Variants in ZSCAN9 observed in about 807,000 individuals in gnomAD.
ZSCAN9 encodes zinc finger and SCAN domain containing 9, also known as zinc finger and SCAN domain-containing protein 9.
ZSCAN9 carries 19 observed loss-of-function variants against 23.0 expected under a neutral mutation model. The ratio of observed to expected loss-of-function variants is 0.83; its 90% CI spans 0.58 to 1.21. ZSCAN9 has a LOEUF of 1.21. Ranked by LOEUF, ZSCAN9 falls within the 50% of genes most tolerant of loss-of-function variation. The pLI, the probability that ZSCAN9 is intolerant of heterozygous loss-of-function variation, is 0.00. For missense variants in ZSCAN9, 467 were observed against 471.5 expected (o/e 0.99, Z 0.09); for synonymous variants, 155 against 164.8 (o/e 0.94, Z 0.46).
At position 28,232,974 on chromosome 6, in the gene ZSCAN9, G is replaced by T. The variant is rs1293605606; in HGVS notation, c.981G>T (p.Gln327His). The change falls in exon 4 of 4, where the codon CAG becomes CAT. Residue 327 changes from glutamine to histidine, a missense_variant. By Grantham distance (24) the Gln-to-His change is conservative. Transcript: ENST00000252207. ...TCAGTCAGAGTGCGGGTCTTATCCA[G>T]CATCAGAGAATCCACAAAGGAGAAA... The part of the protein sequence containing the change: ...KVFSQSAGLI[Q>H]HQRIHKGEKP... The T allele has an allele frequency of 1.9e-6, 3 of 1,614,180 alleles. No individual in the cohort carries two copies. Among genetic ancestry groups the T allele is most frequent in the South Asian group, 1.1e-5 (1 of 91,084 alleles).
Position 28,233,140 on chromosome 6 carries a change from C to T in ZSCAN9, c.1147C>T (p.Arg383Cys), listed in dbSNP as rs775167071. ...CTTTAATCGACACTGCAACCTCATT[C>T]GCCATCAGAAGATCCACACAGTGGC... Reference protein sequence around the residue: ...KSFNRHCNLIRHQKIHTVAEL... With the variant: ...KSFNRHCNLICHQKIHTVAEL... The change falls in exon 4 of 4, where the codon CGC becomes TGC. Residue 383 changes from arginine to cysteine, a missense_variant. Transcript: ENST00000252207. The T allele has an allele frequency of 8.7e-6, 14 of 1,613,900 alleles. No individual in the cohort carries two copies. Among genetic ancestry groups the T allele is most frequent in the East Asian group, 6.7e-5 (3 of 44,882 alleles).
Position 28,227,682 on chromosome 6 carries a change from G to A in ZSCAN9, c.421-8G>A, listed in dbSNP as rs1224696885. 6.3e-7 allele frequency: 1 copy of A among 1,583,774 alleles called. No homozygotes were observed. Among genetic ancestry groups the A allele is most frequent in the East Asian group, 2.2e-5 (1 of 44,804 alleles). ...TTCAAAAGTCAAATCTTGTCTTTTT[G>A]TCCCCAGATGGTGGCCCACAGACAC... On this transcript the variant is annotated splice_region_variant and splice_polypyrimidine_tract_variant and intron_variant, in intron 2 of 3. Transcript: ENST00000252207.
In ZSCAN9 at chr6:28,227,246, C is replaced by T. The variant is rs1053554127; in HGVS notation, c.162C>T (p.His54=). The stretch of plus-strand genomic sequence containing the variant: ...TGGCAAGGGAAATCTTCCGAAGGCA[C>T]TTTCGACAGCTGTGCTACCAAGAGA... ...NPLAREIFRR[H]FRQLCYQETP... The change falls in exon 2 of 4, where the codon CAC becomes CAT. Residue 54 remains histidine, a synonymous_variant. Transcript: ENST00000252207. 6.2e-7 allele frequency: 1 copy of T among 1,614,122 alleles called. No individual in the cohort carries two copies. Among genetic ancestry groups the T allele is most frequent in the African/African-American group, 1.3e-5 (1 of 74,944 alleles).
intron 3 of ZSCAN9, chr6:28,228,487 T>G: frequency 6.0e-6 from 1 of 165,682 alleles, no homozygotes; most frequent in Admixed American, 6.5e-5. Flanking sequence ...ATACCATTCC[T>G]ACCCGATAGG....
intron 3 of ZSCAN9, among the ~76,000 whole-genome samples, chr6:28,229,721 A>G (rs957308060): frequency 6.6e-6 from 1 of 152,212 alleles, no homozygotes; most frequent in African/African-American, 2.4e-5. Flanking sequence ...AAATAATACA[A>G]AAGTTTATAT....
chr6:28,233,077 G>A lies in ZSCAN9; in HGVS notation c.1084G>A (p.Gly362Arg). The A allele has an allele frequency of 6.2e-7, 1 of 1,614,014 alleles. No homozygotes were observed. Among genetic ancestry groups the A allele is most frequent in the Non-Finnish European group, 8.5e-7 (1 of 1,179,882 alleles). ...CATTGAACATCAGAGAAGCCACACA[G>A]GGGAGCGACCTCACCAGTGCATTGA... ...FLIEHQRSHT[G>R]ERPHQCIECG... Residue 362 changes from glycine to arginine, a missense_variant, in exon 4 of 4, where the codon GGG (glycine) becomes AGG (arginine). Gly to Arg is a moderately radical substitution (Grantham distance 125). Transcript: ENST00000252207.
In ZSCAN9 at chr6:28,227,406, C is replaced by T. The variant is rs1561845550; in HGVS notation, c.322C>T (p.Leu108Phe). The change falls in exon 2 of 4, where the codon CTC (leucine) becomes TTC (phenylalanine). Residue 108 changes from leucine (L) to phenylalanine (F), a missense_variant. By Grantham distance (22) the Leu-to-Phe change is conservative (BLOSUM62 0). Coordinates refer to ENST00000252207, the MANE Select transcript of ZSCAN9 (RefSeq NM_006299.5). ...GTTTCTATCCATTCTGCCCAAGGAG[C>T]TCCAGGGCTGGGTGAGGGAACACTG... The part of the protein sequence containing the change: ...EQFLSILPKE[L>F]QGWVREHCPE... 6.2e-7 allele frequency: 1 copy of T among 1,614,170 alleles called. No individual in the cohort carries two copies. Among genetic ancestry groups the T allele is most frequent in the Non-Finnish European group, 8.5e-7 (1 of 1,180,028 alleles).
chr6:28,233,223 T>C lies in ZSCAN9; in HGVS notation c.*45T>C. 6.4e-7 allele frequency: 1 copy of C among 1,571,156 alleles called. No individual in the cohort carries two copies. Among genetic ancestry groups the C allele is most frequent in the Non-Finnish European group, 8.6e-7 (1 of 1,159,136 alleles). On this transcript the variant is annotated 3_prime_UTR_variant, in exon 4 of 4. Coordinates refer to ENST00000252207, the MANE Select transcript of ZSCAN9 (RefSeq NM_006299.5). Reference sequence around the variant, plus strand: ...TTTCCAGATCACCACCCAAGTTGTGTGGGGCAGGTTGAGACTAGAAAATGC... The same window carrying C: ...TTTCCAGATCACCACCCAAGTTGTGCGGGGCAGGTTGAGACTAGAAAATGC...
Position 28,227,099 on chromosome 6 carries a change from A to C in ZSCAN9, c.15A>C (p.Ser5=). Residue 5 remains serine (S), a synonymous_variant, in exon 2 of 4, where the codon TCA becomes TCC. Transcript: ENST00000252207. ...TCAAGGTCAAGATGAATACAAACTC[A>C]AAGGAGGTTTTATCCCTGGGTGTTC... The part of the protein sequence containing the change: MNTN[S]KEVLSLGVQV... 6.2e-7 allele frequency: 1 copy of C among 1,613,828 alleles called. No individual in the cohort carries two copies. Among genetic ancestry groups the C allele is most frequent in the East Asian group, 2.2e-5 (1 of 44,882 alleles).
intron 3 of ZSCAN9, chr6:28,228,473 A>G (rs1257938990): frequency 1.1e-5 from 2 of 175,822 alleles, no homozygotes; most frequent in Admixed American, 6.4e-5. Context: ...TCTTATAAGG[A>G]CAGATACCAT....
At chr6:28,231,578 C>CA (rs1760302043) in intron 3 of ZSCAN9, among the ~76,000 whole-genome samples, 1 of 152,144 alleles carries the variant, frequency 6.6e-6, no homozygotes, top group Admixed American at 6.5e-5. Flanking sequence ...AATCTCATCT[C>CA]TACTAAAAAT....
chr6:28,230,210 G>C (rs1760259198), intron 3 of ZSCAN9: 1 of 826,712 alleles, frequency 1.2e-6, no homozygotes, highest in East Asian at 2.8e-5. Context: ...GAGTTTTGTG[G>C]TGAGTCAGTT....
At chr6:28,230,058 T>C (rs930512880) in intron 3 of ZSCAN9, among the ~76,000 whole-genome samples, 26 of 152,086 alleles carry the variant, frequency 1.7e-4, no homozygotes, top group Admixed American at 3.9e-4. Context: ...AGGGTTTCAC[T>C]GTGTTAGCCA....
intron 3 of ZSCAN9, among the ~76,000 whole-genome samples, chr6:28,229,834 A>G (rs550610917): frequency 6.6e-6 from 1 of 151,538 alleles, no homozygotes; most frequent in South Asian, 2.1e-4. Context: ...CTGCCTACCC[A>G]TATATATGTA....
At chr6:28,228,358 G>T in intron 3 of ZSCAN9, 1 of 349,966 alleles carries the variant, frequency 2.9e-6, no homozygotes, top group East Asian at 7.1e-5. Flanking sequence ...CATCAGGTTT[G>T]GTTTCTGGTG....
In ZSCAN9 at chr6:28,227,418, G is replaced by T. The variant is rs942808166; in HGVS notation, c.334G>T (p.Val112Leu). Residue 112 changes from valine to leucine, a missense_variant, in exon 2 of 4, where the codon GTG (valine) becomes TTG (leucine). Coordinates refer to ENST00000252207, the MANE Select transcript of ZSCAN9 (RefSeq NM_006299.5). The stretch of plus-strand genomic sequence containing the variant: ...TCTGCCCAAGGAGCTCCAGGGCTGG[G>T]TGAGGGAACACTGTCCAGAGAGTGG... Reference protein sequence around the residue: ...SILPKELQGWVREHCPESGEE... With the variant: ...SILPKELQGWLREHCPESGEE... The T allele has an allele frequency of 3.7e-6, 6 of 1,614,104 alleles. No homozygotes were observed. Among genetic ancestry groups the T allele is most frequent in the Non-Finnish European group, 5.1e-6 (6 of 1,180,042 alleles).
chr6:28,230,382 G>C lies in ZSCAN9; in HGVS notation c.569-2180G>C, dbSNP rs1760263173. 1.0e-5 allele frequency: 16 copies of C among 1,535,876 alleles called. No homozygotes were observed. In the East Asian group the frequency reaches 3.9e-4, roughly 38 times the overall value. ...GAAGGGCAGTACTGATCCCACTTGG[G>C]GCCCATCTGTTCTCTACAGACACAT... On this transcript the variant is annotated intron_variant, in intron 3 of 3. Coordinates refer to ENST00000252207, the MANE Select transcript of ZSCAN9 (RefSeq NM_006299.5).
intron 3 of ZSCAN9, chr6:28,228,279 G>C: frequency 2.0e-6 from 1 of 510,320 alleles, no homozygotes; most frequent in Non-Finnish European, 3.4e-6. Context: ...GAATACCACA[G>C]ACTGGTTGTC....
At chr6:28,229,529 C>T (rs1760224549) in intron 3 of ZSCAN9, among the ~76,000 whole-genome samples, 1 of 152,048 alleles carries the variant, frequency 6.6e-6, no homozygotes, top group Admixed American at 6.5e-5. Flanking sequence ...GAGTGTTCTC[C>T]TTGTAGGATA....
Sources: gnomAD v4.1 joint callset for allele counts (sites outside exome capture counted in the v4.1 genomes callset) on GRCh38, gnomAD v4.1.1 for gene constraint, MANE v1.5 for transcripts, NCBI Gene and HGNC (gene_info 2026-07-23, HGNC 2026-07-21) for gene names.